CSGALNACT1: variants seen among roughly 807,000 people sequenced by gnomAD.
CSGALNACT1 encodes beta4GalNAcT-1.
A neutral mutation model predicts 51.0 loss-of-function variants in CSGALNACT1; 52 were observed. The observed-to-expected ratio is 1.02, with a 90% CI of 0.82 to 1.29. The LOEUF (loss-of-function observed/expected upper bound fraction) is 1.29. Ranked by LOEUF, CSGALNACT1 falls within the 50% of genes most tolerant of loss-of-function variation. The pLI is 0.00. For synonymous variants in CSGALNACT1, 341 were observed against 254.4 expected (o/e 1.34, Z -3.24); for missense variants, 935 against 679.2 (o/e 1.38, Z -4.19).
intron 4 of CSGALNACT1, among the ~76,000 whole-genome samples, chr8:19,477,304 T>G (rs560722903): frequency 1.1e-3 from 169 of 152,284 alleles, no homozygotes; most frequent in African/African-American, 3.9e-3. Context: ...GACAAAGATT[T>G]TCCTCAGAAA....
intron 1 of CSGALNACT1, among the ~76,000 whole-genome samples, chr8:19,728,813 A>T (rs1419058675): frequency 6.6e-6 from 1 of 152,172 alleles, no homozygotes; most frequent in Non-Finnish European, 1.5e-5. Context: ...GTGGAAAAAA[A>T]TGGTAACCTT....
chr8:19,575,244 T>C (rs2043929118), intron 3 of CSGALNACT1, among the ~76,000 whole-genome samples: 1 of 152,204 alleles, frequency 6.6e-6, no homozygotes, highest in Non-Finnish European at 1.5e-5. Context: ...TTTCCAATAA[T>C]TGCTACCACT....
chr8:19,469,117 C>T (rs1035640931), intron 4 of CSGALNACT1, among the ~76,000 whole-genome samples: 4 of 152,214 alleles, frequency 2.6e-5, no homozygotes, highest in East Asian at 3.9e-4. Flanking sequence ...GCCCTGAGTG[C>T]GGTGGCTCAT....
rs1564386482 is a variant in CSGALNACT1 at position 19,667,020 on chromosome 8, G to GA, written c.-544+15452dup. Among the ~76,000 whole-genome samples the GA allele has an allele frequency of 5.1e-4, 14 of 27,290 alleles. 1 individual carries two copies. The highest frequency in any genetic ancestry group is 1.3e-3 in the South Asian group (1 of 792). 17.9% of individuals were successfully genotyped at this position (27,290 alleles called of 152,430 possible). A position where few individuals can be genotyped will look rare whatever the true frequency, so the allele number is the denominator to read the frequency against. ...GAAAGAAAGAAAGAAAGAAAGAAAG[G>GA]AAGGAAGGAAGGAAGGAAGGAAGAA... On this transcript the variant is annotated intron_variant, in intron 1 of 9. Transcript: ENST00000332246.
intron 4 of CSGALNACT1, among the ~76,000 whole-genome samples, chr8:19,504,601 C>T (rs2076970135): frequency 6.6e-6 from 1 of 152,200 alleles, no homozygotes; most frequent in Non-Finnish European, 1.5e-5. Flanking sequence ...GCCGTCATCT[C>T]ACTAGTTTCC....
chr8:19,751,929 C>T (rs1306645518), intron 1 of CSGALNACT1, among the ~76,000 whole-genome samples: 2 of 151,910 alleles, frequency 1.3e-5, no homozygotes, highest in Non-Finnish European at 2.9e-5. Context: ...ATTACCCAGT[C>T]TCAGGTAGTT....
chr8:19,746,503 T>C (rs1349482106), intron 1 of CSGALNACT1, among the ~76,000 whole-genome samples: 2 of 152,230 alleles, frequency 1.3e-5, no homozygotes, highest in Non-Finnish European at 2.9e-5. Flanking sequence ...AGCTGGGTCA[T>C]CTTAGATAAG....
At chr8:19,490,141 C>T (rs961950988) in intron 4 of CSGALNACT1, among the ~76,000 whole-genome samples, 2 of 152,184 alleles carry the variant, frequency 1.3e-5, no homozygotes, top group Admixed American at 6.5e-5. Flanking sequence ...CCCTGCTCTT[C>T]CCCCGACTTC....
In CSGALNACT1 at chr8:19,753,048, C is replaced by T. The variant is rs79320165; in HGVS notation, c.-297+4802G>A. On this transcript the variant is annotated intron_variant, in intron 1 of 1. Coordinates refer to the CSGALNACT1 transcript ENST00000517494. The stretch of plus-strand genomic sequence containing the variant: ...CTAAATTGTCCCATCCTGCATAAAG[C>T]TTTGTACCTATCATCTTGGCGTGGA... Among the ~76,000 whole-genome samples the T allele has an allele frequency of 2.9e-3, 447 of 152,230 alleles. 3 individuals carry two copies. The highest frequency in any genetic ancestry group is 0.01 in the African/African-American group (429 of 41,524).
chr8:19,721,540 G>T (rs1037349706), intron 1 of CSGALNACT1, among the ~76,000 whole-genome samples: 1 of 152,140 alleles, frequency 6.6e-6, no homozygotes, highest in Non-Finnish European at 1.5e-5. Context: ...ACAAGCACAT[G>T]AGCCATAGCT....
At chr8:19,581,981 T>G (rs1440575558) in intron 3 of CSGALNACT1, among the ~76,000 whole-genome samples, 1 of 152,238 alleles carries the variant, frequency 6.6e-6, no homozygotes, top group African/African-American at 2.4e-5. Context: ...AAGGTTGCAA[T>G]TTTTCTTAAA....
intron 3 of CSGALNACT1, among the ~76,000 whole-genome samples, chr8:19,538,645 G>C (rs2154067019): frequency 6.6e-6 from 1 of 152,230 alleles, no homozygotes; most frequent in Middle Eastern, 3.4e-3. Context: ...TTGAACTGAG[G>C]GAGACCGGGG....
Position 19,408,277 on chromosome 8 carries a change from C to A in CSGALNACT1, c.1309+336G>T, listed in dbSNP as rs964506971. ...AAAATGCCACCTACTACCAGGCCCC[C>A]TCTTGGTCCAGCCCTGAGTCTATGA... On this transcript the variant is annotated intron_variant, in intron 9 of 9. Coordinates refer to ENST00000454498, the Ensembl canonical transcript of CSGALNACT1. 3.9e-5 allele frequency among the ~76,000 whole-genome samples: 6 copies of A among 152,050 alleles called. No individual in the cohort carries two copies. The South Asian group carries it at 8.3e-4, about 21-fold the overall frequency.
chr8:19,686,546 C>T (rs1354775086), upstream of CSGALNACT1, among the ~76,000 whole-genome samples: 1 of 152,164 alleles, frequency 6.6e-6, no homozygotes, highest in African/African-American at 2.4e-5. Context: ...GAGCCAATGC[C>T]TGCCTCCTAC....
At chr8:19,753,349 A>AT (rs111761311) in intron 1 of CSGALNACT1, among the ~76,000 whole-genome samples, 9,859 of 146,896 alleles carry the variant, frequency 0.067, 375 homozygotes, top group African/African-American at 0.077. Flanking sequence ...CTAGACCTTG[A>AT]TTTTTTAAAA....
intron 3 of CSGALNACT1, among the ~76,000 whole-genome samples, chr8:19,522,772 T>G (rs940401276): frequency 1.3e-5 from 2 of 152,188 alleles, no homozygotes; most frequent in African/African-American, 4.8e-5. Context: ...AATTTTCCAG[T>G]AGCTCAAAAT....
At chr8:19,529,568 T>G (rs1370079792) in intron 3 of CSGALNACT1, among the ~76,000 whole-genome samples, 4 of 152,218 alleles carry the variant, frequency 2.6e-5, no homozygotes, top group South Asian at 2.1e-4. Context: ...ATATCAGGAA[T>G]AGTTATCAAA....
At chr8:19,407,913 G>A (rs1432169919) in intron 9 of CSGALNACT1, among the ~76,000 whole-genome samples, 2 of 59,242 alleles carry the variant, frequency 3.4e-5, no homozygotes, top group African/African-American at 5.0e-5. Context: ...AATTGTGTGT[G>A]TGTGTGTGTG....
chr8:19,589,004 T>C (rs1237832414), intron 3 of CSGALNACT1, among the ~76,000 whole-genome samples: 1 of 152,142 alleles, frequency 6.6e-6, no homozygotes, highest in Non-Finnish European at 1.5e-5. Flanking sequence ...CCAGGAATGG[T>C]GAACATCCTT....
Sources: gnomAD v4.1 joint callset for allele counts (sites outside exome capture counted in the v4.1 genomes callset) on GRCh38, gnomAD v4.1.1 for gene constraint, MANE v1.5 for transcripts, NCBI Gene and HGNC (gene_info 2026-07-23, HGNC 2026-07-21) for gene names.